The following NUP35 variants were observed in gnomAD, a reference collection of about 807,000 sequenced individuals.
The protein encoded by NUP35 is nucleoporin 35.
NUP35 carries 25 observed loss-of-function variants against 41.5 expected under a neutral mutation model. The observed-to-expected ratio is 0.60, with a 90% CI of 0.44 to 0.84. NUP35 has a LOEUF of 0.84. Ranked by LOEUF, NUP35 falls within the 40% of genes least tolerant of loss-of-function variation. The pLI, the probability that NUP35 is intolerant of heterozygous loss-of-function variation, is 0.00. For missense variants in NUP35, 396 were observed against 396.6 expected, an observed-to-expected ratio of 1.00 and a Z score of 0.01; for synonymous variants, 149 against 130.7, an observed-to-expected ratio of 1.14 and a Z score of -0.96.
At chr2:183,126,100 A>G (rs967105161) in intron 1 of NUP35, among the ~76,000 whole-genome samples, 7 of 151,864 alleles carry the variant, frequency 4.6e-5, no homozygotes, top group Non-Finnish European at 8.8e-5. Flanking sequence ...GCAGTCGTGC[A>G]GTCTCAGCTC....
chr2:183,127,041 T>TAG (rs1334905356), intron 1 of NUP35, among the ~76,000 whole-genome samples: 1 of 152,244 alleles, frequency 6.6e-6, no homozygotes, highest in Admixed American at 6.5e-5. Flanking sequence ...TAGTGGATGC[T>TAG]AGCTATGCTT....
At chr2:183,121,763 C>T (rs1700070403), upstream of NUP35, among the ~76,000 whole-genome samples, 1 of 151,884 alleles carries the variant, frequency 6.6e-6, no homozygotes, top group African/African-American at 2.4e-5. Flanking sequence ...GTGGAGGTTG[C>T]AGTGGAGTGC....
intron 5 of NUP35, 72 bp downstream of exon 5, chr2:183,151,721 C>A: frequency 7.0e-7 from 1 of 1,426,882 alleles, no homozygotes; most frequent in Non-Finnish European, 9.6e-7. Flanking sequence ...ATCAAACATA[C>A]AGTAAAATGG....
chr2:183,121,915 T>TTTTTTATTATTATTA (rs143821626), upstream of NUP35, among the ~76,000 whole-genome samples: 2 of 145,322 alleles, frequency 1.4e-5, no homozygotes, highest in East Asian at 2.0e-4. Flanking sequence ...GGCCATTCTT[T>TTTTTTATTATTATTA]TTATTATTAT....
intron 4 of NUP35, among the ~76,000 whole-genome samples, chr2:183,135,259 C>T (rs1318212539): frequency 1.3e-5 from 2 of 152,172 alleles, no homozygotes; most frequent in African/African-American, 2.4e-5. Flanking sequence ...TTCCACCTAC[C>T]ACTGATAGTT....
chr2:183,151,333 A>G (rs531376434), intron 4 of NUP35, among the ~76,000 whole-genome samples, 175 bp from the exon 5 acceptor site: 3 of 152,352 alleles, frequency 2.0e-5, no homozygotes, highest in Admixed American at 1.3e-4. Context: ...CCCAATTATT[A>G]CTTCCTCTAA....
chr2:183,146,653 G>T (rs10168331), intron 4 of NUP35, among the ~76,000 whole-genome samples: 49,347 of 151,478 alleles, frequency 0.33, 8,533 homozygotes, highest in Middle Eastern at 0.45. Context: ...CTGGAGTGAA[G>T]TGGCACGATG....
chr2:183,152,110 AACACACACAC>A (rs67798004), intron 5 of NUP35, among the ~76,000 whole-genome samples: 108 of 113,468 alleles, frequency 9.5e-4, no homozygotes, highest in Middle Eastern at 4.8e-3. Flanking sequence ...AACATTTACA[AACACACACAC>A]ACACACACAC....
chr2:183,118,324 C>A (rs1476436813), intron 1 of NUP35: 1 of 152,046 alleles, frequency 6.6e-6, no homozygotes, highest in East Asian at 1.9e-4. Flanking sequence ...TCTAAAATTG[C>A]AGTTTAACAA....
At position 183,151,596 on chromosome 2, in the gene NUP35, A is replaced by C; in HGVS notation, c.486A>C (p.Gly162=). ...PAQLDPFYTQ[G]DSLTSEDHLD... is the part of the protein sequence containing the mutation. ...AGTTGGATCCTTTTTATACTCAAGG[A>C]GATTCTTTGACTTCAGAAGATCACC... The change falls in exon 5 of 9, where the codon GGA becomes GGC. Residue 162 remains glycine (G), a synonymous_variant. Coordinates refer to ENST00000295119, the MANE Select transcript of NUP35 (RefSeq NM_138285.5). 1 of 1,614,004 alleles carries C rather than the reference A, an allele frequency of 6.2e-7. No individual in the cohort carries two copies. Among genetic ancestry groups the C allele is most frequent in the Non-Finnish European group, 8.5e-7 (1 of 1,179,888 alleles).
intron 5 of NUP35, among the ~76,000 whole-genome samples, chr2:183,153,048 GA>G (rs1685525006): frequency 1.3e-5 from 2 of 152,180 alleles, no homozygotes; most frequent in African/African-American, 4.8e-5. Flanking sequence ...AAGAGAAAAT[GA>G]GGAAGAAGCA....
chr2:183,145,794 C>T (rs1486399582), intron 4 of NUP35, among the ~76,000 whole-genome samples: 3 of 152,156 alleles, frequency 2.0e-5, no homozygotes, highest in African/African-American at 7.2e-5. Context: ...TCAAGTCTAA[C>T]AGACTTCTAG....
intron 1 of NUP35, among the ~76,000 whole-genome samples, chr2:183,126,450 A>C (rs1458319916): frequency 6.6e-6 from 1 of 152,140 alleles, no homozygotes; most frequent in African/African-American, 2.4e-5. Context: ...CTTTGCGTTT[A>C]ATATGGTATT....
chr2:183,145,960 G>A (rs1685262339), intron 4 of NUP35, among the ~76,000 whole-genome samples: 1 of 152,232 alleles, frequency 6.6e-6, no homozygotes, highest in African/African-American at 2.4e-5. Context: ...AATCTGCTGT[G>A]CATGGTAGCT....
intron 1 of NUP35, among the ~76,000 whole-genome samples, chr2:183,125,079 A>T (rs2105532813): frequency 6.6e-6 from 1 of 152,036 alleles, no homozygotes; most frequent in African/African-American, 2.4e-5. Flanking sequence ...TATTGACCTT[A>T]ACAGCAAGCT....
At chr2:183,159,190 A>G (rs564582321) in intron 7 of NUP35, among the ~76,000 whole-genome samples, 2 of 152,306 alleles carry the variant, frequency 1.3e-5, no homozygotes, top group Non-Finnish European at 2.9e-5. Context: ...AGGTTTCCCT[A>G]AGAATTTTTT....
rs541044481 is a variant in NUP35, at chr2:183,152,150, CACA to C, written c.539+502_539+504del. On this transcript the variant is annotated intron_variant, in intron 5 of 8. Transcript: ENST00000295119. ...ACACACACACACACACACACACACA[CACA>C]CAATGTCACAGGGTTGATACTTTCT... Among the ~76,000 whole-genome samples the C allele has an allele frequency of 6.1e-3, 864 of 141,974 alleles. 10 individuals are homozygous for C. The highest frequency in any genetic ancestry group is 0.022 in the African/African-American group (799 of 36,998). The allele number at this position is 141,974 out of a possible 152,430, so 93.1% of individuals were successfully genotyped here. A position where few individuals can be genotyped will look rare whatever the true frequency, so the allele number is the denominator to read the frequency against.
chr2:183,132,578 A>G (rs1459411986), intron 3 of NUP35, among the ~76,000 whole-genome samples: 1 of 152,110 alleles, frequency 6.6e-6, no homozygotes, highest in Non-Finnish European at 1.5e-5. Context: ...AATAAAAACT[A>G]AAAAATTAAA....
At chr2:183,137,520 A>G (rs1202206698) in intron 4 of NUP35, among the ~76,000 whole-genome samples, 1 of 152,168 alleles carries the variant, frequency 6.6e-6, no homozygotes, top group Non-Finnish European at 1.5e-5. Flanking sequence ...TGGGAAGTCA[A>G]GGCTGTAGTG....
Sources: gnomAD v4.1 joint callset for allele counts (sites outside exome capture counted in the v4.1 genomes callset) on GRCh38, gnomAD v4.1.1 for gene constraint, MANE v1.5 for transcripts, NCBI Gene and HGNC (gene_info 2026-07-23, HGNC 2026-07-21) for gene names.